SLCO3A1: variants seen among roughly 807,000 people sequenced by gnomAD.
SLCO3A1 encodes the protein PGE1 transporter.
SLCO3A1 carries 27 observed loss-of-function variants against 63.1 expected under a neutral mutation model. The ratio of observed to expected loss-of-function variants is 0.43; its 90% CI spans 0.32 to 0.59. The LOEUF is 0.59. SLCO3A1 is among the 20% of genes least tolerant of loss of function. The pLI is 0.09. For synonymous variants in SLCO3A1, 473 were observed against 409.9 expected (o/e 1.15, Z -1.86); for missense variants, 773 against 945.8 (o/e 0.82, Z 2.40).
In SLCO3A1 at chr15:91,897,318, G is replaced by A. The variant is rs1898030642; in HGVS notation, c.181-18675G>A. ...TACTAAAAATTAGCTGGGCATGGTG[G>A]CGGGCACCTATAATCCCAGCTACTC... On this transcript the variant is annotated intron_variant, in intron 1 of 9. Transcript: ENST00000318445. The surrounding 1 kb of genome is among the most constrained non-coding windows in gnomAD (Gnocchi z 4.7). Among the ~76,000 whole-genome samples the A allele has an allele frequency of 6.6e-6, 1 of 152,110 alleles. No homozygotes were observed. Among genetic ancestry groups the A allele is most frequent in the Non-Finnish European group, 1.5e-5 (1 of 68,022 alleles).
At chr15:92,107,649 A>G (rs879924789) in intron 4 of SLCO3A1, among the ~76,000 whole-genome samples, 26 of 152,164 alleles carry the variant, frequency 1.7e-4, no homozygotes, top group Non-Finnish European at 2.4e-4. Flanking sequence ...GAGCTTCCAA[A>G]TGGGTTTCTT....
intron 2 of SLCO3A1, among the ~76,000 whole-genome samples, chr15:92,012,154 G>A (rs1376188284): frequency 1.3e-5 from 2 of 152,238 alleles, no homozygotes; most frequent in Non-Finnish European, 2.9e-5. Context: ...GTAATAATCA[G>A]TGCCGTTTAT....
chr15:91,868,785 G>A (rs1353130727), intron 1 of SLCO3A1, among the ~76,000 whole-genome samples: 1 of 152,164 alleles, frequency 6.6e-6, no homozygotes, highest in East Asian at 1.9e-4. Context: ...TGCAGTATGT[G>A]CTACTGTCGT....
chr15:91,934,261 G>A (rs1376118891), intron 2 of SLCO3A1, among the ~76,000 whole-genome samples: 1 of 152,140 alleles, frequency 6.6e-6, no homozygotes, highest in South Asian at 2.1e-4. Flanking sequence ...CTACTTTGAC[G>A]TCAAGCAGTA....
At chr15:92,048,784 G>C (rs577299441) in intron 2 of SLCO3A1, among the ~76,000 whole-genome samples, 1 of 152,286 alleles carries the variant, frequency 6.6e-6, no homozygotes, top group East Asian at 1.9e-4. Context: ...TGTAATCCCA[G>C]CTCCTCGGGA....
At chr15:91,988,861 A>C (rs1343985822) in intron 2 of SLCO3A1, among the ~76,000 whole-genome samples, 3 of 152,210 alleles carry the variant, frequency 2.0e-5, no homozygotes, top group African/African-American at 7.2e-5. Flanking sequence ...CATAAATCCT[A>C]CTAATGCAGA....
At chr15:91,871,766 T>TTG (rs1897286819) in intron 1 of SLCO3A1, among the ~76,000 whole-genome samples, 4 of 11,446 alleles carry the variant, frequency 3.5e-4, no homozygotes, top group African/African-American at 9.7e-4. Flanking sequence ...TTTTTTTTGG[T>TTG]TTTTTTTTTT....
chr15:92,003,130 C>A (rs772316163), intron 2 of SLCO3A1, among the ~76,000 whole-genome samples: 1 of 152,154 alleles, frequency 6.6e-6, no homozygotes, highest in African/African-American at 2.4e-5. Context: ...GTGCCCAAGT[C>A]CCCCAGCTCT....
At chr15:92,116,503 A>T (rs2047796905) in intron 4 of SLCO3A1, among the ~76,000 whole-genome samples, 1 of 152,182 alleles carries the variant, frequency 6.6e-6, no homozygotes, top group African/African-American at 2.4e-5. Flanking sequence ...CCAGCTCCCA[A>T]GTTCTGAGGC....
At chr15:91,918,998 T>A (rs1898753082) in intron 2 of SLCO3A1, among the ~76,000 whole-genome samples, 1 of 152,216 alleles carries the variant, frequency 6.6e-6, no homozygotes, top group African/African-American at 2.4e-5. Flanking sequence ...AAATATGGCA[T>A]GTGTAAAACA....
At chr15:92,166,346 A>G (rs2048493577), downstream of SLCO3A1, among the ~76,000 whole-genome samples, 1 of 152,186 alleles carries the variant, frequency 6.6e-6, no homozygotes, top group Admixed American at 6.5e-5. Context: ...CTGGAAAGCC[A>G]GGAGCTCCTA....
downstream of SLCO3A1, among the ~76,000 whole-genome samples, chr15:92,169,087 C>CAA (rs569941854): frequency 5.8e-4 from 88 of 152,322 alleles, no homozygotes; most frequent in East Asian, 0.011. Context: ...TAACATTTCT[C>CAA]AAGCACTGAC....
In SLCO3A1 at chr15:91,915,320, C is replaced by T. The variant is rs942594543; in HGVS notation, c.181-673C>T. ...TAGGGCAGACAAGAATACAAAAAAA[C>T]GGGGGAAATCATAATATTCAGTTGG... is the stretch of plus-strand genomic sequence containing the variant. On this transcript the variant is annotated intron_variant, in intron 1 of 9. Coordinates refer to ENST00000318445, the MANE Select transcript of SLCO3A1 (RefSeq NM_013272.4). Among the ~76,000 whole-genome samples, 14 of 151,994 alleles carry T rather than the reference C, an allele frequency of 9.2e-5. No homozygotes were observed. In the East Asian group the frequency reaches 1.5e-3, roughly 17 times the overall value.
rs911133667 is a variant in SLCO3A1 at position 91,860,486 on chromosome 15, C to G, written c.180+6398C>G. Among the ~76,000 whole-genome samples, 10 of 152,166 alleles carry G rather than the reference C, an allele frequency of 6.6e-5. No individual in the cohort carries two copies. The highest frequency in any genetic ancestry group is 2.4e-4 in the African/African-American group (10 of 41,432). ...AGTTGCTTTAACAGTAATGGTATAA[C>G]CCTGCTCGTTGACATTAGCACCAAC... On this transcript the variant is annotated intron_variant, in intron 1 of 9. Coordinates refer to ENST00000318445, the MANE Select transcript of SLCO3A1 (RefSeq NM_013272.4). The surrounding 1 kb of genome is among the most constrained non-coding windows in gnomAD (Gnocchi z 5.5).
intron 7 of SLCO3A1, among the ~76,000 whole-genome samples, chr15:92,143,854 G>C (rs1349935733): frequency 6.6e-6 from 1 of 152,130 alleles, no homozygotes; most frequent in Non-Finnish European, 1.5e-5. Context: ...TGGCACAGGT[G>C]GGTGAGTCAG....
rs142957253 is a variant in SLCO3A1 at position 91,949,868 on chromosome 15, G to A, written c.646+33410G>A. On this transcript the variant is annotated intron_variant, in intron 2 of 9. Coordinates refer to ENST00000318445, the MANE Select transcript of SLCO3A1 (RefSeq NM_013272.4). ...AAATAAGCAAGCAAGCAAGCTGAGCGTGGTGCTGCACACCTGTGTTTCCAG... is the reference window on the plus strand; with the variant it reads ...AAATAAGCAAGCAAGCAAGCTGAGCATGGTGCTGCACACCTGTGTTTCCAG... Among the ~76,000 whole-genome samples, 878 of 152,202 alleles carry A rather than the reference G, an allele frequency of 5.8e-3. 8 individuals are homozygous for A. The highest frequency in any genetic ancestry group is 0.024 in the Middle Eastern group (7 of 294).
At chr15:92,093,656 C>A (rs2047504422) in intron 2 of SLCO3A1, among the ~76,000 whole-genome samples, 1 of 152,078 alleles carries the variant, frequency 6.6e-6, no homozygotes, top group African/African-American at 2.4e-5. Context: ...GTCAGCGAGG[C>A]TAGGATTTTT....
chr15:91,899,448 C>A (rs1213886970), intron 1 of SLCO3A1, among the ~76,000 whole-genome samples: 2 of 152,146 alleles, frequency 1.3e-5, no homozygotes, highest in Non-Finnish European at 2.9e-5. Context: ...CATAACCTAA[C>A]AACATTCTAT....
chr15:92,128,514 G>T, intron 7 of SLCO3A1, 25 bp downstream of exon 7: 1 of 1,574,454 alleles, frequency 6.4e-7, no homozygotes, highest in Admixed American at 1.7e-5. Flanking sequence ...CAGGGGATGG[G>T]GCAGGGGATT....
Sources: gnomAD v4.1 joint callset for allele counts (sites outside exome capture counted in the v4.1 genomes callset) on GRCh38, gnomAD v4.1.1 for gene constraint, Gnocchi (gnomAD v3.1) non-coding constraint, MANE v1.5 for transcripts, NCBI Gene and HGNC (gene_info 2026-07-23, HGNC 2026-07-21) for gene names.